PPM1L: variants seen among roughly 807,000 people sequenced by gnomAD.
The protein encoded by PPM1L is protein phosphatase, Mg2+/Mn2+ dependent 1L.
In PPM1L, 13 loss-of-function variants were observed where a neutral mutation model predicts 31.4. The observed-to-expected ratio is 0.41, with a 90% CI of 0.27 to 0.66. The LOEUF is 0.66. Among genes scored for constraint, PPM1L ranks in the 30% least tolerant of loss-of-function variants. The pLI is 0.29. For missense variants in PPM1L, 326 were observed against 453.7 expected, an observed-to-expected ratio of 0.72 and a Z score of 2.56; for synonymous variants, 184 against 175.4, an observed-to-expected ratio of 1.05 and a Z score of -0.39.
intron 1 of PPM1L, among the ~76,000 whole-genome samples, chr3:160,874,537 G>C (rs1712439960): frequency 6.6e-6 from 1 of 152,178 alleles, no homozygotes; most frequent in Non-Finnish European, 1.5e-5. Flanking sequence ...TAAGCTAACT[G>C]TGGCAGGTTA....
chr3:160,846,184 C>CA (rs1328541145), intron 1 of PPM1L, among the ~76,000 whole-genome samples: 3 of 152,014 alleles, frequency 2.0e-5, no homozygotes, highest in Non-Finnish European at 2.9e-5. Context: ...TGTACTATAA[C>CA]AAAAAAACTT....
chr3:160,937,228 C>G (rs1017219282), intron 1 of PPM1L, among the ~76,000 whole-genome samples: 1 of 152,128 alleles, frequency 6.6e-6, no homozygotes, highest in Non-Finnish European at 1.5e-5. Flanking sequence ...ATACGTTTCC[C>G]AGGAGCTGGT....
At chr3:160,840,774 AAGAGAGAGAGAGAGG>A (rs1560122369) in intron 1 of PPM1L, among the ~76,000 whole-genome samples, 1 of 134,842 alleles carries the variant, frequency 7.4e-6, no homozygotes, top group East Asian at 2.2e-4. Flanking sequence ...GAGAGAGAGA[AAGAGAGAGAGAGAGG>A]AGAGAGAGAG....
intron 1 of PPM1L, among the ~76,000 whole-genome samples, chr3:160,892,998 G>A (rs1713208699): frequency 2.0e-5 from 3 of 152,010 alleles, no homozygotes; most frequent in South Asian, 2.1e-4. Context: ...TTTTCAGTTG[G>A]AATGATATAC....
rs1719418585 is a variant in PPM1L, at chr3:161,056,534, A to G, written c.575-8869A>G. Among the ~76,000 whole-genome samples the G allele has an allele frequency of 2.0e-5, 3 of 152,164 alleles. 1 individual carries two copies. In the South Asian group the frequency reaches 6.2e-4, roughly 32 times the overall value. On this transcript the variant is annotated intron_variant, in intron 2 of 3. Transcript: ENST00000498165. ...AATACAGAAAAATATAAAGAAGAAA[A>G]CAAAAAGGTCTAAAATCCTATCACC...
At chr3:160,861,501 A>T (rs774552177) in intron 1 of PPM1L, among the ~76,000 whole-genome samples, 2 of 152,168 alleles carry the variant, frequency 1.3e-5, no homozygotes, top group Non-Finnish European at 2.9e-5. Context: ...ATGAATTTTT[A>T]TGCCAAACAG....
intron 1 of PPM1L, among the ~76,000 whole-genome samples, chr3:160,812,314 C>T (rs1301227511): frequency 6.6e-6 from 1 of 152,140 alleles, no homozygotes; most frequent in Non-Finnish European, 1.5e-5. Flanking sequence ...TGTTCCTTTC[C>T]TAAGTTGTCA....
At chr3:160,821,244 TTA>T (rs1293399524) in intron 1 of PPM1L, among the ~76,000 whole-genome samples, 1 of 147,844 alleles carries the variant, frequency 6.8e-6, no homozygotes, top group Non-Finnish European at 1.5e-5. Flanking sequence ...AAACATATAA[TTA>T]TATGTTTATA....
At chr3:160,865,991 C>T (rs527561324) in intron 1 of PPM1L, among the ~76,000 whole-genome samples, 2 of 152,174 alleles carry the variant, frequency 1.3e-5, no homozygotes, top group South Asian at 4.2e-4. Context: ...TGTATTTTTG[C>T]CTTAGAATGT....
intron 1 of PPM1L, among the ~76,000 whole-genome samples, chr3:160,834,688 TGA>T (rs1713643221): frequency 6.6e-6 from 1 of 152,202 alleles, no homozygotes; most frequent in Non-Finnish European, 1.5e-5. Flanking sequence ...ATGTAACTTT[TGA>T]GATTGACTCT....
chr3:160,847,635 A>G (rs1714122665), intron 1 of PPM1L, among the ~76,000 whole-genome samples: 1 of 152,156 alleles, frequency 6.6e-6, no homozygotes. Context: ...CTGGCTTACC[A>G]AACCAAACAC....
intron 1 of PPM1L, among the ~76,000 whole-genome samples, chr3:160,857,036 A>G (rs1182906950): frequency 6.6e-6 from 1 of 152,186 alleles, no homozygotes; most frequent in Non-Finnish European, 1.5e-5. Context: ...TTACTTGCCA[A>G]AAGCAACAAA....
At chr3:160,896,706 G>T (rs954137729) in intron 1 of PPM1L, among the ~76,000 whole-genome samples, 2 of 152,140 alleles carry the variant, frequency 1.3e-5, no homozygotes, top group African/African-American at 2.4e-5. Flanking sequence ...AAAAAGAAAA[G>T]ATATTTATTG....
chr3:160,913,997 A>G (rs1386599542), intron 1 of PPM1L, among the ~76,000 whole-genome samples: 2 of 152,224 alleles, frequency 1.3e-5, no homozygotes, highest in African/African-American at 2.4e-5. Flanking sequence ...CTTTATAACA[A>G]ACTGACAAAC....
At chr3:160,834,966 C>G (rs1403972397) in intron 1 of PPM1L, among the ~76,000 whole-genome samples, 6 of 151,960 alleles carry the variant, frequency 3.9e-5, no homozygotes, top group Non-Finnish European at 8.8e-5. Context: ...ATTGTCAGGT[C>G]ATAAGGTAAG....
chr3:160,809,650 A>G (rs1712751223), intron 1 of PPM1L, among the ~76,000 whole-genome samples: 2 of 152,126 alleles, frequency 1.3e-5, no homozygotes, highest in Admixed American at 1.3e-4. Flanking sequence ...CAAGTATGAC[A>G]TCATTACTAG....
At chr3:160,941,345 G>A (rs767332321) in intron 1 of PPM1L, among the ~76,000 whole-genome samples, 5 of 152,096 alleles carry the variant, frequency 3.3e-5, no homozygotes, top group Admixed American at 6.5e-5. Context: ...GAGGACATGA[G>A]ATTTAGAGGG....
At chr3:160,815,166 AAG>A (rs754780967) in intron 1 of PPM1L, among the ~76,000 whole-genome samples, 3 of 152,044 alleles carry the variant, frequency 2.0e-5, no homozygotes, top group East Asian at 3.9e-4. Context: ...GAAATTAAAA[AAG>A]AGAGAGAGAG....
At chr3:160,825,226 G>T (rs1342917667) in intron 1 of PPM1L, among the ~76,000 whole-genome samples, 2 of 151,974 alleles carry the variant, frequency 1.3e-5, no homozygotes, top group African/African-American at 4.8e-5. Context: ...TCTACATTTT[G>T]CAATTGAAAT....
Sources: allele counts gnomAD v4.1 joint callset (sites outside exome capture counted in the v4.1 genomes callset), GRCh38; gene constraint gnomAD v4.1.1; transcripts MANE v1.5; gene names NCBI Gene and HGNC (gene_info 2026-07-23, HGNC 2026-07-21).